The following ZCWPW1 variants were observed in gnomAD, a reference collection of about 807,000 sequenced individuals.
ZCWPW1 encodes zinc finger CW-type PWWP domain protein 1.
A neutral mutation model predicts 81.3 loss-of-function variants in ZCWPW1; 56 were observed. The observed-to-expected ratio is 0.69, with a 90% CI of 0.56 to 0.86. The LOEUF (loss-of-function observed/expected upper bound fraction) is 0.86, where lower values mean the gene tolerates loss of function less well. Ranked by LOEUF, ZCWPW1 falls within the 40% of genes least tolerant of loss-of-function variation. The probability of loss-of-function intolerance (pLI) is 0.00; values close to 1 mark genes in which losing one functional copy is unlikely to be tolerated. For synonymous variants in ZCWPW1, 250 were observed against 273.7 expected (o/e 0.91, Z 0.86); for missense variants, 650 against 769.8 (o/e 0.84, Z 1.84).
chr7:100,423,034 A>G (rs1354346582), intron 2 of ZCWPW1, among the ~76,000 whole-genome samples: 2 of 152,180 alleles, frequency 1.3e-5, no homozygotes, highest in East Asian at 1.9e-4. Flanking sequence ...TAGGGGATAT[A>G]TGCCATTCTT....
chr7:100,412,094 G>C (rs1794290127), intron 8 of ZCWPW1, among the ~76,000 whole-genome samples: 1 of 151,712 alleles, frequency 6.6e-6, no homozygotes, highest in Non-Finnish European at 1.5e-5. Flanking sequence ...AGTCTCCTTT[G>C]CTGGGTTCTC....
At chr7:100,402,178 TG>T (rs757843133) in intron 16 of ZCWPW1, 137 bp from the exon 17 acceptor site, 1 of 1,155,362 alleles carries the variant, frequency 8.7e-7, no homozygotes, top group Non-Finnish European at 1.2e-6. Context: ...TGGTGGCCTC[TG>T]GCTCTTTTTC....
chr7:100,403,544 C>T, intron 15 of ZCWPW1, 150 bp downstream of exon 15: 2 of 380,024 alleles, frequency 5.3e-6, no homozygotes, highest in Non-Finnish European at 9.4e-6. Context: ...CTAATGTTGG[C>T]CAGGTGTGGT....
intron 11 of ZCWPW1, 23 bp from the exon 12 acceptor site, chr7:100,406,821 T>C (rs1250168803): frequency 6.2e-7 from 1 of 1,603,316 alleles, no homozygotes; most frequent in South Asian, 1.1e-5. Context: ...ATGATCCTGT[T>C]ACGGACTCCT....
At chr7:100,421,853 C>T (rs542890974) in intron 2 of ZCWPW1, among the ~76,000 whole-genome samples, 102 of 152,126 alleles carry the variant, frequency 6.7e-4, no homozygotes, top group African/African-American at 2.2e-3. Flanking sequence ...CCACCACCGC[C>T]GACTAATTTT....
At chr7:100,402,612 A>G in intron 15 of ZCWPW1, 36 bp from the exon 16 acceptor site, 2 of 1,598,828 alleles carry the variant, frequency 1.3e-6, no homozygotes, top group Non-Finnish European at 8.6e-7. Context: ...AAAATGATAA[A>G]TCAAGGCCCC....
chr7:100,415,075 A>ATTTT (rs1165297451), intron 8 of ZCWPW1, among the ~76,000 whole-genome samples: 2 of 74,204 alleles, frequency 2.7e-5, no homozygotes, highest in African/African-American at 5.9e-5. Flanking sequence ...CTCCGTACCC[A>ATTTT]TTTTTTTTTT....
At chr7:100,404,141 C>A (rs1218218906) in intron 14 of ZCWPW1, 37 bp downstream of exon 14, 1 of 1,599,836 alleles carries the variant, frequency 6.3e-7, no homozygotes, top group Admixed American at 1.7e-5. Flanking sequence ...GGAATCCCTC[C>A]CATCCTTCTC....
At chr7:100,409,046 T>C (rs569697325) in intron 9 of ZCWPW1, among the ~76,000 whole-genome samples, 6 of 152,132 alleles carry the variant, frequency 3.9e-5, no homozygotes, top group Non-Finnish European at 4.4e-5. Context: ...ATCATCATCA[T>C]CTCTTCCAAC....
At chr7:100,417,785 A>T (rs1795598749) in intron 5 of ZCWPW1, among the ~76,000 whole-genome samples, 1 of 152,156 alleles carries the variant, frequency 6.6e-6, no homozygotes, top group Non-Finnish European at 1.5e-5. Flanking sequence ...GAATAGAAGT[A>T]TACCTAAGAA....
chr7:100,427,722 A>T (rs117078929), intron 1 of ZCWPW1, among the ~76,000 whole-genome samples: 11,884 of 150,992 alleles, frequency 0.079, 614 homozygotes, highest in Middle Eastern at 0.12. Flanking sequence ...AAAAGCCCCA[A>T]TTCCAAATCC....
In ZCWPW1 at chr7:100,401,019, T is replaced by TC. The variant is rs755062603; in HGVS notation, c.1944dup (p.Lys649GlufsTer32). ...AGGGAGCAGAGGAGCACCAGCTACT[T>TC]CCCAAACAGCGCCACGGGGAAGTCC... On this transcript the variant is annotated frameshift_variant, in exon 18 of 18. Coordinates refer to ENST00000684423, the MANE Select transcript of ZCWPW1 (RefSeq NM_001386010.1). LOFTEE classifies it high-confidence loss of function. 6.2e-7 allele frequency: 1 copy of TC among 1,605,510 alleles called. No homozygotes were observed. Among genetic ancestry groups the TC allele is most frequent in the Non-Finnish European group, 8.5e-7 (1 of 1,174,384 alleles).
In ZCWPW1 at chr7:100,403,741, TC is replaced by T; in HGVS notation, c.1365del (p.Lys457ArgfsTer55). Reference sequence around the variant, plus strand: ...TCCAACTCTTCCTCTTTCTCCTTTTTCTCTAAGCAGGATCCTGGGCTGTTCA... The same window carrying T: ...TCCAACTCTTCCTCTTTCTCCTTTTTTCTAAGCAGGATCCTGGGCTGTTCA... Reference protein sequence around the residue: ...SGLNSPGSCLEKKEKEEELEK... With the variant: ...SGLNSPGSCLXKKEKEEELEK... On this transcript the variant is annotated frameshift_variant, in exon 15 of 18. Coordinates refer to ENST00000684423, the MANE Select transcript of ZCWPW1 (RefSeq NM_001386010.1). LOFTEE classifies it high-confidence loss of function. The T allele has an allele frequency of 6.2e-7, 1 of 1,614,100 alleles. No homozygotes were observed. The highest frequency in any genetic ancestry group is 8.5e-7 in the Non-Finnish European group (1 of 1,179,996).
At chr7:100,405,783 T>C (rs1563131221) in intron 12 of ZCWPW1, among the ~76,000 whole-genome samples, 6 of 152,222 alleles carry the variant, frequency 3.9e-5, no homozygotes, top group Admixed American at 1.3e-4. Context: ...CACACCACCA[T>C]GCCCAGCAAA....
intron 2 of ZCWPW1, 69 bp from the exon 3 acceptor site, chr7:100,420,747 G>GGTTCA: frequency 1.3e-6 from 2 of 1,505,430 alleles, no homozygotes; most frequent in Non-Finnish European, 1.8e-6. Context: ...TGTCTACTTG[G>GGTTCA]GTTCAGAAAC....
At chr7:100,423,246 C>T (rs1317850157) in intron 2 of ZCWPW1, among the ~76,000 whole-genome samples, 1 of 152,200 alleles carries the variant, frequency 6.6e-6, no homozygotes, top group Non-Finnish European at 1.5e-5. Flanking sequence ...CATATCTATT[C>T]TACTCAGTGA....
intron 1 of ZCWPW1, 27 bp from the exon 2 acceptor site, chr7:100,425,163 T>C (rs895431191): frequency 6.6e-6 from 1 of 152,032 alleles, no homozygotes; most frequent in Non-Finnish European, 1.5e-5. Flanking sequence ...GAGAAAAAAA[T>C]ATAGACAGTT....
chr7:100,414,918 G>C (rs1794902725), intron 8 of ZCWPW1, among the ~76,000 whole-genome samples: 1 of 151,462 alleles, frequency 6.6e-6, no homozygotes, highest in Non-Finnish European at 1.5e-5. Context: ...CGAGCTACTA[G>C]GGAGGTTGAG....
rs767062964 is a variant in ZCWPW1, at chr7:100,407,324, T to G, written c.993-21A>C. 6 of 1,607,338 alleles carry G rather than the reference T, an allele frequency of 3.7e-6. No individual in the cohort carries two copies. The East Asian group carries it at 1.1e-4, about 30-fold the overall frequency. ...GCCACCTGGAGAAGATAGTTGGGTGTAGGGGACAGAAGAGAAGGGGTTAGA... is the reference window on the plus strand; with the variant it reads ...GCCACCTGGAGAAGATAGTTGGGTGGAGGGGACAGAAGAGAAGGGGTTAGA... On this transcript the variant is annotated intron_variant, in intron 10 of 17. Coordinates refer to ENST00000684423, the MANE Select transcript of ZCWPW1 (RefSeq NM_001386010.1).
Sources: gnomAD v4.1 joint callset for allele counts (sites outside exome capture counted in the v4.1 genomes callset) on GRCh38, gnomAD v4.1.1 for gene constraint, MANE v1.5 for transcripts, NCBI Gene and HGNC (gene_info 2026-07-23, HGNC 2026-07-21) for gene names.